Variants in PTPN4 observed in about 807,000 individuals in gnomAD.
PTPN4 encodes the protein tyrosine-protein phosphatase non-receptor type 4.
PTPN4 carries 49 observed loss-of-function variants against 135.5 expected under a neutral mutation model. The observed-to-expected ratio is 0.36, with a 90% CI of 0.29 to 0.46. PTPN4 has a LOEUF of 0.46. Among genes scored for constraint, PTPN4 ranks in the 20% least tolerant of loss-of-function variants. PTPN4 has a pLI of 1.00. For synonymous variants in PTPN4, 333 were observed against 369.9 expected, an observed-to-expected ratio of 0.90 and a Z score of 1.14; for missense variants, 860 against 1,101.0, an observed-to-expected ratio of 0.78 and a Z score of 3.10.
intron 2 of PTPN4, among the ~76,000 whole-genome samples, chr2:119,856,844 A>T (rs988019025): frequency 3.3e-5 from 5 of 152,242 alleles, no homozygotes; most frequent in Non-Finnish European, 5.9e-5. Flanking sequence ...AGGGTGCTAC[A>T]GTCTATAATC....
At chr2:119,924,197 T>A (rs1360947581) in intron 12 of PTPN4, among the ~76,000 whole-genome samples, 1 of 151,986 alleles carries the variant, frequency 6.6e-6, no homozygotes, top group Non-Finnish European at 1.5e-5. Flanking sequence ...TCCTTAAAGT[T>A]TGAAACAATT....
At chr2:119,930,360 C>T (rs1228954215) in intron 13 of PTPN4, among the ~76,000 whole-genome samples, 2 of 152,228 alleles carry the variant, frequency 1.3e-5, no homozygotes, top group East Asian at 1.9e-4. Flanking sequence ...AATGACAGGA[C>T]ACTTCTGTGG....
intron 11 of PTPN4, among the ~76,000 whole-genome samples, chr2:119,918,518 A>G (rs1678690412): frequency 6.6e-6 from 1 of 152,240 alleles, no homozygotes; most frequent in Non-Finnish European, 1.5e-5. Flanking sequence ...GGCCATTAAC[A>G]TTGAACCTCA....
At chr2:119,851,002 T>A (rs1558744818) in intron 2 of PTPN4, among the ~76,000 whole-genome samples, 1 of 152,204 alleles carries the variant, frequency 6.6e-6, no homozygotes. Context: ...AGTTTTCTCT[T>A]TTATACTGTC....
intron 25 of PTPN4, among the ~76,000 whole-genome samples, chr2:119,967,058 C>T (rs1469068169): frequency 6.6e-6 from 1 of 152,202 alleles, no homozygotes; most frequent in Non-Finnish European, 1.5e-5. Flanking sequence ...TGGTGAAACA[C>T]CATTTTATAT....
At chr2:119,814,745 C>T (rs930306682) in intron 2 of PTPN4, among the ~76,000 whole-genome samples, 2 of 152,140 alleles carry the variant, frequency 1.3e-5, no homozygotes, top group African/African-American at 4.8e-5. Context: ...TGACATCTCT[C>T]AAGTTGATTG....
intron 1 of PTPN4, among the ~76,000 whole-genome samples, chr2:119,792,232 A>G (rs922602676): frequency 3.3e-5 from 5 of 152,242 alleles, no homozygotes; most frequent in Admixed American, 2.6e-4. Context: ...GCTAGAATGT[A>G]TAGAACCACT....
intron 15 of PTPN4, among the ~76,000 whole-genome samples, chr2:119,937,698 T>A (rs999976120): frequency 6.6e-6 from 1 of 152,206 alleles, no homozygotes; most frequent in Non-Finnish European, 1.5e-5. Flanking sequence ...TATGTGACAA[T>A]ATATTGCTCT....
intron 26 of PTPN4, among the ~76,000 whole-genome samples, chr2:119,974,029 G>T (rs1267955893): frequency 6.6e-6 from 1 of 152,094 alleles, no homozygotes; most frequent in East Asian, 1.9e-4. Context: ...TATAGCATGT[G>T]TAGGAAAGGC....
chr2:119,900,513 A>T (rs1202814912), intron 9 of PTPN4, among the ~76,000 whole-genome samples: 1 of 152,158 alleles, frequency 6.6e-6, no homozygotes, highest in Non-Finnish European at 1.5e-5. Flanking sequence ...AAGAATTTTA[A>T]TAAGACATTT....
chr2:119,965,471 G>T (rs1679433205), intron 24 of PTPN4, 26 bp from the exon 25 acceptor site: 1 of 1,584,680 alleles, frequency 6.3e-7, no homozygotes, highest in Non-Finnish European at 8.6e-7. Flanking sequence ...ATAAGTCAAG[G>T]TGCATAATTT....
At chr2:119,894,688 A>AT (rs1165715779) in intron 9 of PTPN4, among the ~76,000 whole-genome samples, 1 of 152,152 alleles carries the variant, frequency 6.6e-6, no homozygotes, top group African/African-American at 2.4e-5. Context: ...GTTACAGAAA[A>AT]TTTTTTAATA....
chr2:119,911,376 A>C lies in PTPN4; in HGVS notation c.765-3803A>C, dbSNP rs981635094. On this transcript the variant is annotated intron_variant, in intron 10 of 26. Transcript: ENST00000263708. ...AAAGTCAGTCAGTATAATTAACCAT[A>C]CTGTTATAATAACATAGAAAAACCA... Among the ~76,000 whole-genome samples the C allele has an allele frequency of 2.0e-5, 3 of 152,196 alleles. No individual in the cohort carries two copies. In the East Asian group the frequency reaches 5.8e-4, roughly 29 times the overall value.
At chr2:119,838,206 G>A (rs1677325100) in intron 2 of PTPN4, among the ~76,000 whole-genome samples, 1 of 151,704 alleles carries the variant, frequency 6.6e-6, no homozygotes, top group Non-Finnish European at 1.5e-5. Flanking sequence ...TTTATTGTTT[G>A]TTTGCTTTTT....
In PTPN4 at chr2:119,799,033, A is replaced by G. The variant is rs568413119; in HGVS notation, c.-17-10804A>G. Among the ~76,000 whole-genome samples the G allele has an allele frequency of 6.6e-5, 10 of 152,332 alleles. No homozygotes were observed. In the South Asian group the frequency reaches 1.0e-3, roughly 16 times the overall value. ...TCTCTGATCCAGTAATAAACCTTAT[A>G]AAACCCAGGAGATAACCAAAATGTA... is the stretch of plus-strand genomic sequence containing the variant. On this transcript the variant is annotated intron_variant, in intron 1 of 26. Coordinates refer to ENST00000263708, the MANE Select transcript of PTPN4 (RefSeq NM_002830.4).
chr2:119,940,462 G>A (rs1235303152), intron 15 of PTPN4, among the ~76,000 whole-genome samples: 3 of 152,098 alleles, frequency 2.0e-5, no homozygotes, highest in African/African-American at 4.8e-5. Flanking sequence ...ATAAGGGTTT[G>A]TTTTTTTCTT....
At chr2:119,779,133 G>A (rs80004304) in intron 1 of PTPN4, among the ~76,000 whole-genome samples, 2,231 of 152,236 alleles carry the variant, frequency 0.015, 25 homozygotes, top group South Asian at 0.044. Context: ...GGCCCATTCT[G>A]TTGCCAAGTT....
intron 2 of PTPN4, among the ~76,000 whole-genome samples, chr2:119,854,448 C>G (rs750963928): frequency 1.1e-4 from 16 of 152,128 alleles, no homozygotes; most frequent in Admixed American, 4.6e-4. Context: ...CCGTAATATT[C>G]CCCCCTGAGG....
At chr2:119,844,529 T>G (rs1314940121) in intron 2 of PTPN4, among the ~76,000 whole-genome samples, 2 of 141,136 alleles carry the variant, frequency 1.4e-5, no homozygotes, top group East Asian at 4.5e-4. Flanking sequence ...TCTCCTCACT[T>G]CTCAGACGGG....
Sources: gnomAD v4.1 joint callset for allele counts (sites outside exome capture counted in the v4.1 genomes callset) on GRCh38, gnomAD v4.1.1 for gene constraint, MANE v1.5 for transcripts, NCBI Gene and HGNC (gene_info 2026-07-23, HGNC 2026-07-21) for gene names.